KIAA0825: variants seen among roughly 807,000 people sequenced by gnomAD.
KIAA0825 encodes the protein KIAA0825.
Under a neutral mutation model 147.6 loss-of-function variants are expected in KIAA0825, and 119 were observed. That is an observed-to-expected ratio of 0.81 (90% CI 0.69 to 0.94). The LOEUF is 0.94. Ranked by LOEUF, KIAA0825 falls within the 40% of genes least tolerant of loss-of-function variation. The probability of loss-of-function intolerance (pLI) is 0.00; values close to 1 mark genes in which losing one functional copy is unlikely to be tolerated. For missense variants in KIAA0825, 1,381 were observed against 1,472.7 expected, an observed-to-expected ratio of 0.94 and a Z score of 1.02; for synonymous variants, 470 against 518.1, an observed-to-expected ratio of 0.91 and a Z score of 1.26.
intron 13 of KIAA0825, among the ~76,000 whole-genome samples, chr5:94,449,216 G>C (rs892541574): frequency 6.6e-6 from 1 of 152,102 alleles, no homozygotes; most frequent in African/African-American, 2.4e-5. Context: ...GACTTAACTG[G>C]AGCAGAGAAA....
chr5:94,554,715 A>AATATATAT (rs1561307328), intron 2 of KIAA0825, among the ~76,000 whole-genome samples: 6 of 75,346 alleles, frequency 8.0e-5, no homozygotes, highest in Admixed American at 5.0e-4. Flanking sequence ...TGTTCTGTGT[A>AATATATAT]CTATATATAT....
intron 20 of KIAA0825, among the ~76,000 whole-genome samples, chr5:94,251,300 G>A (rs1365852213): frequency 6.6e-6 from 1 of 152,012 alleles, no homozygotes; most frequent in African/African-American, 2.4e-5. Flanking sequence ...CTCCCTTGGC[G>A]GAACGTCAGC....
At chr5:94,470,181 A>G in intron 9 of KIAA0825, 70 bp from the exon 10 acceptor site, 2 of 1,105,574 alleles carry the variant, frequency 1.8e-6, no homozygotes, top group Non-Finnish European at 1.2e-6. Flanking sequence ...AATCTCCAGT[A>G]CTACAAATGG....
intron 5 of KIAA0825, among the ~76,000 whole-genome samples, chr5:94,506,842 C>T (rs537686176): frequency 1.4e-4 from 21 of 152,190 alleles, no homozygotes; most frequent in South Asian, 4.1e-4. Context: ...CCTGAAAACA[C>T]GCCACACTTC....
chr5:94,235,791 C>T (rs907566423), intron 20 of KIAA0825, among the ~76,000 whole-genome samples: 1 of 152,126 alleles, frequency 6.6e-6, no homozygotes, highest in Admixed American at 6.6e-5. Context: ...TTCCAAAAAT[C>T]CTAGGGCCCT....
chr5:94,331,355 C>T (rs1029746714), intron 20 of KIAA0825, among the ~76,000 whole-genome samples: 2 of 151,984 alleles, frequency 1.3e-5, no homozygotes, highest in African/African-American at 4.8e-5. Flanking sequence ...ACCAATTCCT[C>T]GAAACAACTC....
intron 14 of KIAA0825, among the ~76,000 whole-genome samples, chr5:94,429,706 G>A (rs1755405419): frequency 6.6e-6 from 1 of 152,190 alleles, no homozygotes; most frequent in South Asian, 2.1e-4. Context: ...GCCAGACCAG[G>A]CAGGTCCACC....
intron 5 of KIAA0825, among the ~76,000 whole-genome samples, chr5:94,505,215 G>A (rs1765598909): frequency 6.6e-6 from 1 of 151,944 alleles, no homozygotes; most frequent in Non-Finnish European, 1.5e-5. Context: ...AATAAAATTA[G>A]CCAGGCTTGG....
chr5:94,338,724 G>A (rs1010886282), intron 20 of KIAA0825, among the ~76,000 whole-genome samples: 1 of 151,992 alleles, frequency 6.6e-6, no homozygotes, highest in African/African-American at 2.4e-5. Context: ...GTATATAATA[G>A]GCATATACCA....
At chr5:94,364,729 A>G (rs1264704132) in intron 20 of KIAA0825, among the ~76,000 whole-genome samples, 1 of 152,086 alleles carries the variant, frequency 6.6e-6, no homozygotes, top group East Asian at 1.9e-4. Context: ...ATCTCCCAAT[A>G]TATAGGAGTT....
chr5:94,264,095 T>C (rs1776628471), intron 20 of KIAA0825, among the ~76,000 whole-genome samples: 1 of 152,214 alleles, frequency 6.6e-6, no homozygotes, highest in Admixed American at 6.5e-5. Flanking sequence ...CTCCCACATC[T>C]ATCTGGCCAA....
intron 2 of KIAA0825, among the ~76,000 whole-genome samples, chr5:94,546,265 A>G (rs751465159): frequency 6.6e-6 from 1 of 152,182 alleles, no homozygotes; most frequent in South Asian, 2.1e-4. Flanking sequence ...GACAGTAGCT[A>G]TGAACCCACC....
chr5:94,187,311 C>G (rs1770209614), intron 20 of KIAA0825, among the ~76,000 whole-genome samples: 1 of 136,822 alleles, frequency 7.3e-6, no homozygotes, highest in South Asian at 2.2e-4. Flanking sequence ...ACAGGCAGAA[C>G]TGTTGTGAAA....
intron 20 of KIAA0825, among the ~76,000 whole-genome samples, chr5:94,202,488 G>T (rs1771789878): frequency 6.6e-6 from 1 of 152,194 alleles, no homozygotes; most frequent in Non-Finnish European, 1.5e-5. Flanking sequence ...GCCAATGTCA[G>T]GGAACTGGCT....
At chr5:94,261,481 C>G (rs981358636) in intron 20 of KIAA0825, among the ~76,000 whole-genome samples, 8 of 151,858 alleles carry the variant, frequency 5.3e-5, no homozygotes, top group Non-Finnish European at 1.2e-4. Flanking sequence ...AATGAAAACA[C>G]CCAGTTGCAT....
intron 5 of KIAA0825, among the ~76,000 whole-genome samples, chr5:94,488,097 T>C (rs1763275062): frequency 3.3e-5 from 5 of 152,220 alleles, no homozygotes. Context: ...CTAATTTTTG[T>C]GTTTTTAGTA....
chr5:94,351,107 T>C (rs947095843), intron 20 of KIAA0825, among the ~76,000 whole-genome samples: 2 of 152,078 alleles, frequency 1.3e-5, no homozygotes, highest in African/African-American at 4.8e-5. Context: ...GGCATCCAAA[T>C]TGGTTAAGAG....
chr5:94,615,848 G>T (rs1037393922), intron 1 of KIAA0825, among the ~76,000 whole-genome samples: 1 of 151,778 alleles, frequency 6.6e-6, no homozygotes, highest in Non-Finnish European at 1.5e-5. Context: ...TAGAGACAGG[G>T]TCTTACTCTG....
intron 20 of KIAA0825, among the ~76,000 whole-genome samples, chr5:94,269,774 C>A (rs1234783552): frequency 6.6e-6 from 1 of 151,844 alleles, no homozygotes; most frequent in East Asian, 1.9e-4. Flanking sequence ...CAAGAGCAAA[C>A]CAAACCCCAA....
Sources: allele counts gnomAD v4.1 joint callset (sites outside exome capture counted in the v4.1 genomes callset), GRCh38; gene constraint gnomAD v4.1.1; transcripts MANE v1.5; gene names NCBI Gene and HGNC (gene_info 2026-07-23, HGNC 2026-07-21).